Variants in LRRFIP1 observed in about 807,000 individuals in gnomAD.
The protein encoded by LRRFIP1 is LRR binding FLII interacting protein 1, also known as leucine-rich repeat flightless-interacting protein 1.
In LRRFIP1, 62 loss-of-function variants were observed where a neutral mutation model predicts 104.4. The observed-to-expected ratio is 0.59, with a 90% CI of 0.48 to 0.73. The LOEUF (loss-of-function observed/expected upper bound fraction) is 0.73. LRRFIP1 is among the 30% of genes least tolerant of loss of function. LRRFIP1 has a pLI of 0.00. For synonymous variants in LRRFIP1, 300 were observed against 299.0 expected (o/e 1.00, Z -0.03); for missense variants, 796 against 824.5 (o/e 0.97, Z 0.42).
chr2:237,717,864 G>T lies in LRRFIP1; in HGVS notation c.249+55G>T. ...TCTTCCCTCCCCACTTGAATACAGT[G>T]TTGAGACTTAAATGGTTTATAATGT... On this transcript the variant is annotated intron_variant, in intron 4 of 23. Coordinates refer to ENST00000308482, the MANE Select transcript of LRRFIP1 (RefSeq NM_001137550.2). The surrounding 1 kb of genome is among the most constrained non-coding windows in gnomAD (Gnocchi z 4.2). 1 of 1,279,498 alleles carries T rather than the reference G, an allele frequency of 7.8e-7. No homozygotes were observed. The highest frequency in any genetic ancestry group is 1.1e-6 in the Non-Finnish European group (1 of 874,612). 79.3% of individuals were successfully genotyped at this position (1,279,498 alleles called of 1,614,324 possible). A position where few individuals can be genotyped will look rare whatever the true frequency, so the allele number is the denominator to read the frequency against.
chr2:237,642,281 CG>C (rs2084101489), intron 1 of LRRFIP1, among the ~76,000 whole-genome samples: 1 of 152,208 alleles, frequency 6.6e-6, no homozygotes, highest in Admixed American at 6.5e-5. Flanking sequence ...ACTCAGAGGC[CG>C]AGGCCTGGCT....
rs1046286987 is a variant in LRRFIP1, at chr2:237,703,186, G to A, written c.97-5358G>A. ...GAAAGAATGACTCAACCTGCAGGCC[G>A]TCTGGGGTATGCACAGTCTCGTCTC... On this transcript the variant is annotated intron_variant, in intron 1 of 23. Transcript: ENST00000308482. The surrounding 1 kb of genome is among the most constrained non-coding windows in gnomAD (Gnocchi z 4.3). Among the ~76,000 whole-genome samples, 1 of 152,270 alleles carries A rather than the reference G, an allele frequency of 6.6e-6. No homozygotes were observed. The highest frequency in any genetic ancestry group is 1.5e-5 in the Non-Finnish European group (1 of 68,022).
intron 1 of LRRFIP1, among the ~76,000 whole-genome samples, chr2:237,665,104 T>C (rs148418891): frequency 1.3e-5 from 2 of 152,370 alleles, no homozygotes; most frequent in East Asian, 3.9e-4. Flanking sequence ...ATAAGCTTCT[T>C]ACTATTAAAT....
In LRRFIP1 at chr2:237,751,217, G is replaced by C; in HGVS notation, c.813G>C (p.Lys271Asn). ...TCCCCCAGGAACTCAATGAGTTAAA[G>C]GACCAGATTCAGGATGTAGAAGGCA... The part of the protein sequence containing the change: ...IREIKELNEL[K>N]DQIQDVEGKY... The change falls in exon 14 of 24, where the codon AAG becomes AAC. Residue 271 changes from lysine (K) to asparagine (N), a missense_variant. Lys to Asn is a moderately conservative substitution (Grantham distance 94, BLOSUM62 0). Transcript: ENST00000308482. The C allele has an allele frequency of 6.2e-7, 1 of 1,609,758 alleles. No individual in the cohort carries two copies.
At chr2:237,732,146 G>A (rs917475408) in intron 8 of LRRFIP1, among the ~76,000 whole-genome samples, 28 of 152,048 alleles carry the variant, frequency 1.8e-4, no homozygotes, top group African/African-American at 6.3e-4. Flanking sequence ...TTTGTCAGTT[G>A]CCTGGCCCAG....
intron 1 of LRRFIP1, among the ~76,000 whole-genome samples, chr2:237,636,209 T>C (rs1174300907): frequency 6.6e-6 from 1 of 152,008 alleles, no homozygotes; most frequent in Non-Finnish European, 1.5e-5. Flanking sequence ...ATTGGGTTCA[T>C]TCAATCTGGA....
intron 15 of LRRFIP1, 123 bp downstream of exon 15, chr2:237,753,602 C>G: frequency 1.4e-6 from 1 of 712,320 alleles, no homozygotes; most frequent in East Asian, 3.0e-5. Flanking sequence ...TCGAGACCAG[C>G]CTGGGCAACA....
At chr2:237,655,966 G>A (rs1575183997) in intron 1 of LRRFIP1, among the ~76,000 whole-genome samples, 1 of 152,320 alleles carries the variant, frequency 6.6e-6, no homozygotes, top group Non-Finnish European at 1.5e-5. Context: ...TTGGTTCCCA[G>A]TTTGAGATTT....
At chr2:237,714,724 T>C (rs2094255551) in intron 3 of LRRFIP1, among the ~76,000 whole-genome samples, 1 of 152,220 alleles carries the variant, frequency 6.6e-6, no homozygotes, top group Admixed American at 6.5e-5. Flanking sequence ...AGTGATGATA[T>C]AAAATGAACC....
intron 15 of LRRFIP1, 113 bp from the exon 16 acceptor site, chr2:237,755,982 A>G (rs1400870892): frequency 1.7e-6 from 1 of 574,124 alleles, no homozygotes; most frequent in African/African-American, 2.0e-5. Context: ...GAAGATTGTG[A>G]TGATGTAGTA....
chr2:237,720,980 A>G, intron 6 of LRRFIP1, 158 bp downstream of exon 6: 1 of 655,584 alleles, frequency 1.5e-6, no homozygotes, highest in Non-Finnish European at 2.7e-6. Flanking sequence ...TCAATGGGGG[A>G]TGTTTCTTTG....
intron 1 of LRRFIP1, among the ~76,000 whole-genome samples, chr2:237,639,070 G>C (rs923197162): frequency 2.6e-5 from 4 of 152,232 alleles, no homozygotes; most frequent in African/African-American, 9.6e-5. Flanking sequence ...GAGCCCACAG[G>C]CTGCAGGGCG....
chr2:237,726,411 C>G (rs2094752293), intron 7 of LRRFIP1, among the ~76,000 whole-genome samples: 1 of 152,100 alleles, frequency 6.6e-6, no homozygotes, highest in African/African-American at 2.4e-5. Context: ...GCACCCGTCC[C>G]CCGGATAAGG....
chr2:237,753,222 T>G (rs1241670873), intron 14 of LRRFIP1, 87 bp from the exon 15 acceptor site: 48 of 1,015,212 alleles, frequency 4.7e-5, no homozygotes, highest in Non-Finnish European at 6.7e-5. Context: ...AGTTTAGGAC[T>G]GAGGGTTTTT....
chr2:237,680,769 C>G (rs2091721853), intron 1 of LRRFIP1, among the ~76,000 whole-genome samples: 1 of 152,122 alleles, frequency 6.6e-6, no homozygotes, highest in South Asian at 2.1e-4. Context: ...ATCACTTGAG[C>G]CCAGGAGTTG....
Position 237,691,494 on chromosome 2 carries a change from G to C in LRRFIP1, c.97-17050G>C, listed in dbSNP as rs1343043347. Among the ~76,000 whole-genome samples the C allele has an allele frequency of 6.6e-6, 1 of 152,154 alleles. No homozygotes were observed. The highest frequency in any genetic ancestry group is 1.9e-4 in the East Asian group (1 of 5,180). On this transcript the variant is annotated intron_variant, in intron 1 of 23. Coordinates refer to ENST00000308482, the MANE Select transcript of LRRFIP1 (RefSeq NM_001137550.2). The surrounding 1 kb of genome is among the most constrained non-coding windows in gnomAD (Gnocchi z 5.4). ...CCTGCGGGCCGCCGCACCGGGCCAA[G>C]GGGGGCTGTGTGCACGCAGCTGCGT...
intron 1 of LRRFIP1, among the ~76,000 whole-genome samples, chr2:237,706,358 A>G (rs1348626534): frequency 2.0e-5 from 3 of 151,600 alleles, no homozygotes; most frequent in African/African-American, 7.3e-5. Context: ...TTCTTCTTGC[A>G]TGGCCTCCCT....
chr2:237,779,595 T>G lies in LRRFIP1; in HGVS notation c.*63T>G. 4.2e-6 allele frequency: 6 copies of G among 1,437,686 alleles called. 1 individual carries two copies. The highest frequency in any genetic ancestry group is 5.8e-6 in the Non-Finnish European group (6 of 1,026,768). 89.1% of individuals were successfully genotyped at this position (1,437,686 alleles called of 1,614,324 possible). On this transcript the variant is annotated 3_prime_UTR_variant, in exon 24 of 24. Transcript: ENST00000308482. ...GAGCATTGTTTCATAGGCTTTTCTC[T>G]GTCCTATCTGGGAGCGCTGCTTCTT... is the stretch of plus-strand genomic sequence containing the variant.
chr2:237,714,260 TC>T lies in LRRFIP1; in HGVS notation c.186del (p.Tyr63IlefsTer52). 1 of 1,598,060 alleles carries T rather than the reference TC, an allele frequency of 6.3e-7. No individual in the cohort carries two copies. The highest frequency in any genetic ancestry group is 8.6e-7 in the Non-Finnish European group (1 of 1,168,860). ...TTTTTCTTCTGTCCTTCTCTATAGATCTATCAGGTCCAAAAGGTAGGCTCTT... is the reference window on the plus strand; with the variant it reads ...TTTTTCTTCTGTCCTTCTCTATAGATTATCAGGTCCAAAAGGTAGGCTCTT... ...MKELERQQKE[I>X]YQVQKKYYGL... On this transcript the variant is annotated frameshift_variant and splice_region_variant, in exon 3 of 24. Coordinates refer to ENST00000308482, the MANE Select transcript of LRRFIP1 (RefSeq NM_001137550.2). LOFTEE classifies it high-confidence loss of function.
Sources: gnomAD v4.1 joint callset for allele counts (sites outside exome capture counted in the v4.1 genomes callset) on GRCh38, gnomAD v4.1.1 for gene constraint, Gnocchi (gnomAD v3.1) non-coding constraint, MANE v1.5 for transcripts, NCBI Gene and HGNC (gene_info 2026-07-23, HGNC 2026-07-21) for gene names.